The following CNTNAP2 variants were observed in gnomAD, a reference collection of about 807,000 sequenced individuals.
CNTNAP2 encodes contactin associated protein 2, also known as contactin-associated protein-like 2.
In CNTNAP2, 98 loss-of-function variants were observed where a neutral mutation model predicts 155.2. That is an observed-to-expected ratio of 0.63 (90% CI 0.54 to 0.75). The LOEUF (loss-of-function observed/expected upper bound fraction) is 0.75, where lower values mean the gene tolerates loss of function less well. Among genes scored for constraint, CNTNAP2 ranks in the 30% least tolerant of loss-of-function variants. The probability of loss-of-function intolerance (pLI) is 0.00; values close to 1 mark genes in which losing one functional copy is unlikely to be tolerated. For synonymous variants in CNTNAP2, 651 were observed against 631.2 expected (o/e 1.03, Z -0.47); for missense variants, 1,727 against 1,688.1 (o/e 1.02, Z -0.40).
chr7:147,329,351 A>G (rs1265003001), intron 9 of CNTNAP2, among the ~76,000 whole-genome samples: 3 of 152,012 alleles, frequency 2.0e-5, no homozygotes, highest in African/African-American at 7.2e-5. Context: ...AAATTGATAT[A>G]CACAGTATTA....
chr7:147,345,753 A>G (rs973319818), intron 9 of CNTNAP2, among the ~76,000 whole-genome samples: 2 of 152,336 alleles, frequency 1.3e-5, no homozygotes, highest in South Asian at 2.1e-4. Flanking sequence ...CAGAGTTACT[A>G]TAGAGGAACT....
At chr7:147,949,073 T>C (rs1048272899) in intron 14 of CNTNAP2, among the ~76,000 whole-genome samples, 8 of 151,574 alleles carry the variant, frequency 5.3e-5, no homozygotes, top group Non-Finnish European at 1.2e-4. Flanking sequence ...TGGTGGTGGA[T>C]GCCTGTAATC....
intron 9 of CNTNAP2, among the ~76,000 whole-genome samples, chr7:147,368,026 C>T (rs1329846511): frequency 8.2e-6 from 1 of 121,508 alleles, no homozygotes; most frequent in Non-Finnish European, 1.7e-5. Flanking sequence ...CCCCCCTCCC[C>T]CTCCTCCTCT....
intron 15 of CNTNAP2, among the ~76,000 whole-genome samples, chr7:148,027,020 A>G (rs930180455): frequency 6.6e-6 from 1 of 152,184 alleles, no homozygotes; most frequent in Admixed American, 6.5e-5. Context: ...GATGCAAAAT[A>G]TAGAGCAGTT....
chr7:147,029,365 A>G (rs1798984382), intron 3 of CNTNAP2, among the ~76,000 whole-genome samples: 1 of 152,136 alleles, frequency 6.6e-6, no homozygotes, highest in Non-Finnish European at 1.5e-5. Flanking sequence ...CAGTTACCTC[A>G]TTATCATCAG....
chr7:148,308,551 G>GTATT (rs72136288), intron 21 of CNTNAP2, among the ~76,000 whole-genome samples: 73 of 148,386 alleles, frequency 4.9e-4, no homozygotes, highest in African/African-American at 9.2e-4. Flanking sequence ...ACCTATTTAT[G>GTATT]TATTTATTTA....
intron 2 of CNTNAP2, among the ~76,000 whole-genome samples, chr7:146,807,601 C>A (rs1171002446): frequency 2.2e-4 from 33 of 151,956 alleles, no homozygotes; most frequent in Admixed American, 2.2e-3. Context: ...CCGAATTTTA[C>A]CAAGGTCAAT....
intron 9 of CNTNAP2, among the ~76,000 whole-genome samples, chr7:147,330,513 A>T (rs1429898199): frequency 6.6e-6 from 1 of 152,138 alleles, no homozygotes; most frequent in Non-Finnish European, 1.5e-5. Flanking sequence ...TGGACTTATG[A>T]TTGGCATCTG....
At chr7:147,869,541 C>T (rs970134231) in intron 13 of CNTNAP2, among the ~76,000 whole-genome samples, 1 of 152,124 alleles carries the variant, frequency 6.6e-6, no homozygotes, top group Non-Finnish European at 1.5e-5. Flanking sequence ...CAGCACATCA[C>T]CGTCAAGGAA....
At chr7:148,209,296 TC>T (rs1322190381) in intron 18 of CNTNAP2, among the ~76,000 whole-genome samples, 1 of 112,792 alleles carries the variant, frequency 8.9e-6, no homozygotes, top group South Asian at 3.2e-4. Context: ...TTTCTTTTCT[TC>T]CTTTTTTTTT....
At chr7:148,390,784 G>GTT (rs1368643843) in intron 22 of CNTNAP2, among the ~76,000 whole-genome samples, 3 of 152,168 alleles carry the variant, frequency 2.0e-5, no homozygotes, top group African/African-American at 7.2e-5. Context: ...TAACACTACT[G>GTT]TTACACTTCT....
chr7:148,154,096 A>G (rs776553797), intron 17 of CNTNAP2, among the ~76,000 whole-genome samples: 1 of 152,226 alleles, frequency 6.6e-6, no homozygotes, highest in African/African-American at 2.4e-5. Flanking sequence ...ATATCTCTCT[A>G]GAGGTTAAAG....
intron 11 of CNTNAP2, among the ~76,000 whole-genome samples, chr7:147,551,149 G>T (rs1584807371): frequency 6.6e-6 from 1 of 152,144 alleles, no homozygotes; most frequent in Admixed American, 6.5e-5. Context: ...AAACAGTATA[G>T]GTTTCTCCTG....
intron 1 of CNTNAP2, among the ~76,000 whole-genome samples, chr7:146,477,992 T>C (rs367831860): frequency 5.9e-5 from 9 of 152,056 alleles, no homozygotes; most frequent in African/African-American, 1.9e-4. Flanking sequence ...AAAGATTAAG[T>C]GGTAGGAAAA....
intron 11 of CNTNAP2, among the ~76,000 whole-genome samples, chr7:147,490,611 T>G (rs1314962750): frequency 1.3e-5 from 2 of 152,198 alleles, no homozygotes; most frequent in African/African-American, 4.8e-5. Context: ...CGAAGAAACT[T>G]GGTGTCTCTG....
intron 4 of CNTNAP2, among the ~76,000 whole-genome samples, chr7:147,101,998 A>C (rs1169998534): frequency 2.0e-5 from 3 of 152,148 alleles, no homozygotes; most frequent in Non-Finnish European, 4.4e-5. Context: ...TCTCCTGTTC[A>C]TATCAGTTGG....
At chr7:147,331,545 C>A (rs919833843) in intron 9 of CNTNAP2, among the ~76,000 whole-genome samples, 1 of 151,858 alleles carries the variant, frequency 6.6e-6, no homozygotes, top group East Asian at 1.9e-4. Context: ...AATGAGGAAC[C>A]AGCAGTACCA....
chr7:146,894,072 C>T (rs1276814717), intron 3 of CNTNAP2, among the ~76,000 whole-genome samples: 5 of 152,174 alleles, frequency 3.3e-5, no homozygotes, highest in African/African-American at 1.2e-4. Context: ...GCAGAGGTGT[C>T]GAGCCACCTG....
At chr7:146,153,290 C>T (rs1798078264) in intron 1 of CNTNAP2, among the ~76,000 whole-genome samples, 2 of 152,120 alleles carry the variant, frequency 1.3e-5, no homozygotes, top group Non-Finnish European at 2.9e-5. Flanking sequence ...CACGTTCCAA[C>T]CAGAGCTATG....
Sources: gnomAD v4.1 joint callset for allele counts (sites outside exome capture counted in the v4.1 genomes callset) on GRCh38, gnomAD v4.1.1 for gene constraint, MANE v1.5 for transcripts, NCBI Gene and HGNC (gene_info 2026-07-23, HGNC 2026-07-21) for gene names.